NLGN1: variants seen among roughly 807,000 people sequenced by gnomAD.
NLGN1 encodes neuroligin 1.
In NLGN1, 12 loss-of-function variants were observed where a neutral mutation model predicts 65.5. The observed-to-expected ratio is 0.18, with a 90% CI of 0.12 to 0.30. NLGN1 has a LOEUF of 0.30. Among genes scored for constraint, NLGN1 ranks in the 10% least tolerant of loss-of-function variants. The pLI is 1.00. For synonymous variants in NLGN1, 350 were observed against 359.5 expected (o/e 0.97, Z 0.30); for missense variants, 750 against 1,007.1 (o/e 0.74, Z 3.46).
intron 4 of NLGN1, among the ~76,000 whole-genome samples, chr3:174,206,010 T>G (rs569033730): frequency 6.6e-6 from 1 of 152,278 alleles, no homozygotes; most frequent in African/African-American, 2.4e-5. Flanking sequence ...ACATGAAAAT[T>G]ATGTGATTAA....
chr3:173,620,280 G>A (rs1386459901), intron 3 of NLGN1, among the ~76,000 whole-genome samples: 1 of 152,134 alleles, frequency 6.6e-6, no homozygotes, highest in African/African-American at 2.4e-5. Flanking sequence ...TAAAGGGTAA[G>A]AGATATCTAT....
At chr3:173,620,795 G>A (rs527240589) in intron 3 of NLGN1, among the ~76,000 whole-genome samples, 5 of 152,168 alleles carry the variant, frequency 3.3e-5, no homozygotes, top group Middle Eastern at 6.8e-3. Flanking sequence ...GCTTACCCAC[G>A]GTTGGGGTAA....
chr3:173,480,052 A>G (rs1727001810), intron 2 of NLGN1, among the ~76,000 whole-genome samples: 1 of 152,150 alleles, frequency 6.6e-6, no homozygotes, highest in Non-Finnish European at 1.5e-5. Flanking sequence ...TATTTAAGAC[A>G]GTTGAAAAGA....
chr3:173,517,750 TTATCTATCTATCTATCTATCTATCTATC>T, intron 2 of NLGN1, among the ~76,000 whole-genome samples: 1 of 147,132 alleles, frequency 6.8e-6, no homozygotes. Flanking sequence ...TTTCGCAAAT[TTATCTATCTATCTATCTATCTATCTATC>T]TATCTATCTA....
chr3:174,139,516 T>C (rs1721915015), intron 4 of NLGN1, among the ~76,000 whole-genome samples: 1 of 152,138 alleles, frequency 6.6e-6, no homozygotes, highest in African/African-American at 2.4e-5. Context: ...TCCATTCTTC[T>C]ACTGAAGGAC....
intron 2 of NLGN1, among the ~76,000 whole-genome samples, chr3:173,517,688 C>T (rs1335518880): frequency 1.3e-5 from 2 of 151,966 alleles, no homozygotes; most frequent in South Asian, 2.1e-4. Context: ...GTATGTGATT[C>T]TTTAAAACAT....
chr3:173,536,476 G>T (rs1199155764), intron 2 of NLGN1, among the ~76,000 whole-genome samples: 1 of 152,182 alleles, frequency 6.6e-6, no homozygotes, highest in African/African-American at 2.4e-5. Context: ...TATTAAGGCA[G>T]TATTCTCAGT....
rs376244547 is a variant in NLGN1, at chr3:173,497,202, G to A, written c.-321+62124G>A. ...AGTTCGAGACCAGCCTGGCCAATAT[G>A]GCAAAACTCCATCTCTACTAAAAAT... is the stretch of plus-strand genomic sequence containing the variant. On this transcript the variant is annotated intron_variant, in intron 2 of 6. Transcript: ENST00000457714. 7.2e-5 allele frequency among the ~76,000 whole-genome samples: 11 copies of A among 151,848 alleles called. No individual in the cohort carries two copies. In the East Asian group the frequency reaches 1.7e-3, roughly 24 times the overall value.
intron 4 of NLGN1, among the ~76,000 whole-genome samples, chr3:173,853,398 A>G (rs1318055422): frequency 3.9e-5 from 6 of 152,282 alleles, no homozygotes; most frequent in East Asian, 3.9e-4. Flanking sequence ...TTTTTATTCA[A>G]TGCTCCATTT....
At chr3:173,954,936 GTAGAGAGGGA>G (rs1226820918) in intron 4 of NLGN1, among the ~76,000 whole-genome samples, 1 of 152,050 alleles carries the variant, frequency 6.6e-6, no homozygotes, top group Non-Finnish European at 1.5e-5. Context: ...TCAACAGGTC[GTAGAGAGGGA>G]ATTGGCAATT....
At chr3:174,176,873 A>ATTT (rs1729544459) in intron 4 of NLGN1, among the ~76,000 whole-genome samples, 1 of 152,064 alleles carries the variant, frequency 6.6e-6, no homozygotes, top group African/African-American at 2.4e-5. Context: ...CTCAACTGAA[A>ATTT]GGAACAAGTA....
chr3:173,810,252 C>A (rs1009722458), intron 4 of NLGN1, among the ~76,000 whole-genome samples: 1 of 152,172 alleles, frequency 6.6e-6, no homozygotes, highest in African/African-American at 2.4e-5. Context: ...ATCAACAGCT[C>A]ATCGGACAGA....
At chr3:174,212,437 T>C (rs1736866687) in intron 4 of NLGN1, among the ~76,000 whole-genome samples, 1 of 152,200 alleles carries the variant, frequency 6.6e-6, no homozygotes, top group African/African-American at 2.4e-5. Context: ...AGTGGTGGGC[T>C]GAAGGGCTCC....
intron 3 of NLGN1, among the ~76,000 whole-genome samples, chr3:173,737,704 G>A (rs1256480459): frequency 1.3e-5 from 2 of 151,978 alleles, no homozygotes; most frequent in African/African-American, 4.8e-5. Flanking sequence ...TATAACTCAT[G>A]CTCCTACGAA....
chr3:173,731,005 A>G (rs528536613), intron 3 of NLGN1, among the ~76,000 whole-genome samples: 30 of 152,256 alleles, frequency 2.0e-4, no homozygotes, highest in African/African-American at 6.5e-4. Flanking sequence ...TCCCTTGGCC[A>G]TCACCAAGGG....
chr3:173,986,261 G>C (rs1484062901), intron 4 of NLGN1, among the ~76,000 whole-genome samples: 1 of 152,072 alleles, frequency 6.6e-6, no homozygotes, highest in Non-Finnish European at 1.5e-5. Flanking sequence ...GAGGTCAGGA[G>C]TTTGAGACAA....
At chr3:174,189,834 G>T (rs1732060604) in intron 4 of NLGN1, among the ~76,000 whole-genome samples, 1 of 151,946 alleles carries the variant, frequency 6.6e-6, no homozygotes, top group Admixed American at 6.6e-5. Context: ...TATAAAAATT[G>T]ATGTTGCAAA....
intron 2 of NLGN1, among the ~76,000 whole-genome samples, chr3:173,460,192 A>G (rs981036973): frequency 5.9e-5 from 9 of 152,084 alleles, no homozygotes; most frequent in African/African-American, 1.9e-4. Context: ...TGTGTGCTCT[A>G]ATTACCCTTT....
rs1297533352 is a variant in NLGN1, at chr3:174,279,027, T to G, written c.1026T>G (p.Leu342=). Residue 342 remains leucine (L), a synonymous_variant, in exon 6 of 7, where the codon CTT becomes CTG. Coordinates refer to ENST00000457714, the Ensembl canonical transcript of NLGN1. This position sits in a 1 kb window ranked among gnomAD's most constrained non-coding sequence, Gnocchi z 4.7. ...TACAGAAGAAGCCTTACAAAGAACT[T>G]GTTGACCAAGATATTCAACCAGCTC... 1 of 1,606,316 alleles carries G rather than the reference T, an allele frequency of 6.2e-7. No homozygotes were observed. The highest frequency in any genetic ancestry group is 8.5e-7 in the Non-Finnish European group (1 of 1,176,512).
Sources: gnomAD v4.1 joint callset for allele counts (sites outside exome capture counted in the v4.1 genomes callset) on GRCh38, gnomAD v4.1.1 for gene constraint, Gnocchi (gnomAD v3.1) non-coding constraint, MANE v1.5 for transcripts, NCBI Gene and HGNC (gene_info 2026-07-23, HGNC 2026-07-21) for gene names.